NEDD4L: variants seen among roughly 807,000 people sequenced by gnomAD.
The protein encoded by NEDD4L is E3 ubiquitin-protein ligase NEDD4-like.
NEDD4L carries 54 observed loss-of-function variants against 148.9 expected under a neutral mutation model. The observed-to-expected ratio is 0.36, with a 90% CI of 0.29 to 0.45. The LOEUF (loss-of-function observed/expected upper bound fraction) is 0.45, where lower values mean the gene tolerates loss of function less well. Ranked by LOEUF, NEDD4L falls within the 20% of genes least tolerant of loss-of-function variation. The pLI, the probability that NEDD4L is intolerant of heterozygous loss-of-function variation, is 1.00. For synonymous variants in NEDD4L, 433 were observed against 440.7 expected, an observed-to-expected ratio of 0.98 and a Z score of 0.22; for missense variants, 856 against 1,233.8, an observed-to-expected ratio of 0.69 and a Z score of 4.59.
At chr18:58,302,279 T>C (rs2056578358) in intron 5 of NEDD4L, among the ~76,000 whole-genome samples, 1 of 152,154 alleles carries the variant, frequency 6.6e-6, no homozygotes, top group South Asian at 2.1e-4. Context: ...CCCAAGAGAG[T>C]GTCCCCGTTT....
At chr18:58,367,715 A>T (rs1481200490) in intron 21 of NEDD4L, 31 bp from the exon 22 acceptor site, 1 of 1,611,844 alleles carries the variant, frequency 6.2e-7, no homozygotes, top group South Asian at 1.1e-5. Flanking sequence ...TGAAAGTGTG[A>T]TTGGGCTTTT....
At chr18:58,150,836 C>T (rs957522396) in intron 1 of NEDD4L, among the ~76,000 whole-genome samples, 4 of 152,030 alleles carry the variant, frequency 2.6e-5, no homozygotes, top group Non-Finnish European at 5.9e-5. Flanking sequence ...AAGGGTTTTC[C>T]ATACTGGGGG....
intron 19 of NEDD4L, among the ~76,000 whole-genome samples, chr18:58,357,733 C>T (rs765656409): frequency 1.3e-5 from 2 of 152,082 alleles, no homozygotes; most frequent in Admixed American, 6.5e-5. Flanking sequence ...GGAACTCTGC[C>T]GACCCACAGT....
intron 1 of NEDD4L, among the ~76,000 whole-genome samples, chr18:58,112,919 GTA>G (rs1466095896): frequency 6.6e-6 from 1 of 152,218 alleles, no homozygotes; most frequent in Non-Finnish European, 1.5e-5. Context: ...GGTCCTGAGG[GTA>G]GAGCCCTCAT....
In NEDD4L at chr18:58,398,688, G is replaced by A. The variant is rs1286786064; in HGVS notation, c.*2419G>A. On this transcript the variant is annotated 3_prime_UTR_variant, in exon 31 of 31. Coordinates refer to ENST00000400345, the MANE Select transcript of NEDD4L (RefSeq NM_001144967.3). ...TGAGGATTTAGTATTTTTTAAAAAA[G>A]CAAAACAAGGTTCAGTAGTCCTCAG... 2.0e-5 allele frequency: 3 copies of A among 152,126 alleles called. No homozygotes were observed. The highest frequency in any genetic ancestry group is 4.4e-5 in the Non-Finnish European group (3 of 68,000). The allele number at this position is 152,126 out of a possible 1,614,324, so 9.4% of individuals were successfully genotyped here.
At chr18:58,386,370 C>T (rs1339791508) in intron 26 of NEDD4L, among the ~76,000 whole-genome samples, 1 of 152,018 alleles carries the variant, frequency 6.6e-6, no homozygotes, top group Admixed American at 6.5e-5. Flanking sequence ...TTTTTTTAAT[C>T]CCCTGCCCTT....
chr18:58,394,516 T>G (rs1402056407), intron 30 of NEDD4L, among the ~76,000 whole-genome samples: 1 of 152,256 alleles, frequency 6.6e-6, no homozygotes, highest in Non-Finnish European at 1.5e-5. Context: ...GAAGCCACTT[T>G]CGGTGAAAGG....
chr18:58,148,749 A>G (rs1012736848), intron 1 of NEDD4L, among the ~76,000 whole-genome samples: 1 of 152,238 alleles, frequency 6.6e-6, no homozygotes, highest in Non-Finnish European at 1.5e-5. Context: ...TCCAGGGGCT[A>G]GAGCCTCAAC....
intron 1 of NEDD4L, among the ~76,000 whole-genome samples, chr18:58,143,917 T>C (rs559433495): frequency 2.0e-5 from 3 of 152,284 alleles, no homozygotes; most frequent in Admixed American, 1.3e-4. Flanking sequence ...TGGCCTGATA[T>C]GAGGTATCCA....
intron 1 of NEDD4L, among the ~76,000 whole-genome samples, chr18:58,084,782 C>T (rs1228947220): frequency 6.6e-6 from 1 of 151,422 alleles, no homozygotes; most frequent in African/African-American, 2.4e-5. Context: ...GCAGCCTCAA[C>T]TTCCTGGGCT....
intron 13 of NEDD4L, among the ~76,000 whole-genome samples, chr18:58,338,146 A>G (rs2042000202): frequency 6.6e-6 from 1 of 152,208 alleles, no homozygotes; most frequent in South Asian, 2.1e-4. Context: ...AGGAAGTTCT[A>G]GCTAATGGCT....
At chr18:58,331,022 A>T in intron 11 of NEDD4L, 108 bp downstream of exon 11, 2 of 1,110,158 alleles carry the variant, frequency 1.8e-6, no homozygotes, top group Non-Finnish European at 2.6e-6. Flanking sequence ...TCCAGCTCCC[A>T]GCTAACTCTG....
chr18:58,059,472 A>G (rs7238511), intron 1 of NEDD4L, among the ~76,000 whole-genome samples: 122,915 of 152,096 alleles, frequency 0.81, 50,230 homozygotes, highest in East Asian at 1. Flanking sequence ...CTTGAAACCA[A>G]TGTTTCTTTT....
intron 5 of NEDD4L, among the ~76,000 whole-genome samples, chr18:58,268,481 G>A (rs1193972229): frequency 6.6e-6 from 1 of 152,038 alleles, no homozygotes; most frequent in Non-Finnish European, 1.5e-5. Context: ...GCCATTCACA[G>A]TGTATCAAAG....
At position 58,195,577 on chromosome 18, in the gene NEDD4L, C is replaced by A. The variant is rs368228164; in HGVS notation, c.122+29716C>A. The A allele has an allele frequency of 6.3e-5, 85 of 1,340,180 alleles. No individual in the cohort carries two copies. In the African/African-American group the frequency reaches 1.1e-3, roughly 18 times the overall value. 83.0% of individuals were successfully genotyped at this position (1,340,180 alleles called of 1,614,324 possible). On this transcript the variant is annotated intron_variant, in intron 2 of 30. Transcript: ENST00000400345. Reference sequence around the variant, plus strand: ...GCGGTGCCTCCCCAGCACGGCACCTCCCACTCCAGGCTGTTGGTTACCTGG... The same window carrying A: ...GCGGTGCCTCCCCAGCACGGCACCTACCACTCCAGGCTGTTGGTTACCTGG...
At chr18:58,118,834 T>A (rs931456313) in intron 1 of NEDD4L, among the ~76,000 whole-genome samples, 1 of 152,086 alleles carries the variant, frequency 6.6e-6, no homozygotes, top group Admixed American at 6.5e-5. Context: ...GACATCACAC[T>A]CAGTGCTGAC....
intron 6 of NEDD4L, among the ~76,000 whole-genome samples, chr18:58,321,639 C>T (rs528856436): frequency 4.4e-4 from 67 of 152,334 alleles, no homozygotes; most frequent in African/African-American, 1.6e-3. Flanking sequence ...TGTGTGCATG[C>T]ACGCGCACAC....
Position 58,122,167 on chromosome 18 carries a change from T to C in NEDD4L, c.49-43621T>C, listed in dbSNP as rs562173502. 1.8e-4 allele frequency among the ~76,000 whole-genome samples: 27 copies of C among 152,324 alleles called. No individual in the cohort carries two copies. In the East Asian group the frequency reaches 5.2e-3, roughly 29 times the overall value. Reference sequence around the variant, plus strand: ...TGATGGTTTTGTGCCCACAACCTGATGGCAGGGTTGGCAGTGTTTAGTTGC... The same window carrying C: ...TGATGGTTTTGTGCCCACAACCTGACGGCAGGGTTGGCAGTGTTTAGTTGC... On this transcript the variant is annotated intron_variant, in intron 1 of 30. Coordinates refer to ENST00000400345, the MANE Select transcript of NEDD4L (RefSeq NM_001144967.3).
intron 6 of NEDD4L, among the ~76,000 whole-genome samples, chr18:58,321,358 G>A (rs887439373): frequency 2.0e-5 from 3 of 152,232 alleles, no homozygotes; most frequent in African/African-American, 7.2e-5. Flanking sequence ...TCCAGCAGAG[G>A]GACCTGCCTG....
Sources: gnomAD v4.1 joint callset for allele counts (sites outside exome capture counted in the v4.1 genomes callset) on GRCh38, gnomAD v4.1.1 for gene constraint, MANE v1.5 for transcripts, NCBI Gene and HGNC (gene_info 2026-07-23, HGNC 2026-07-21) for gene names.